The following KCNQ3 variants were observed in gnomAD, a reference collection of about 807,000 sequenced individuals.
The protein encoded by KCNQ3 is potassium voltage-gated channel subfamily Q member 3.
KCNQ3 carries 30 observed loss-of-function variants against 92.5 expected under a neutral mutation model. The ratio of observed to expected loss-of-function variants is 0.32; its 90% CI spans 0.24 to 0.44. The LOEUF (loss-of-function observed/expected upper bound fraction) is 0.44, where lower values mean the gene tolerates loss of function less well. Among genes scored for constraint, KCNQ3 ranks in the 20% least tolerant of loss-of-function variants. The pLI is 1.00. For synonymous variants in KCNQ3, 450 were observed against 468.8 expected, an observed-to-expected ratio of 0.96 and a Z score of 0.52; for missense variants, 913 against 1,140.3, an observed-to-expected ratio of 0.80 and a Z score of 2.87.
chr8:132,151,916 A>G (rs898701128), intron 9 of KCNQ3, among the ~76,000 whole-genome samples: 1 of 152,208 alleles, frequency 6.6e-6, no homozygotes, highest in South Asian at 2.1e-4. Context: ...TAACATCAAT[A>G]TATGTTCCAG....
At chr8:132,210,497 G>A (rs944809960) in intron 1 of KCNQ3, among the ~76,000 whole-genome samples, 1 of 152,206 alleles carries the variant, frequency 6.6e-6, no homozygotes, top group Non-Finnish European at 1.5e-5. Context: ...TTTACACTGT[G>A]TAACAAATTA....
At chr8:132,473,535 G>A (rs1822339051) in intron 1 of KCNQ3, among the ~76,000 whole-genome samples, 1 of 152,200 alleles carries the variant, frequency 6.6e-6, no homozygotes, top group Non-Finnish European at 1.5e-5. Context: ...ATCTAGAAGA[G>A]TTCCTGGTAC....
intron 1 of KCNQ3, among the ~76,000 whole-genome samples, chr8:132,248,371 T>G (rs1186507870): frequency 6.6e-6 from 1 of 151,394 alleles, no homozygotes; most frequent in African/African-American, 2.4e-5. Context: ...GAGATAGTAT[T>G]CTCTTTCCAA....
At chr8:132,170,759 C>G (rs1170385455) in intron 7 of KCNQ3, among the ~76,000 whole-genome samples, 2 of 151,808 alleles carry the variant, frequency 1.3e-5, no homozygotes, top group African/African-American at 4.8e-5. Flanking sequence ...CGCCTGTAAT[C>G]CCAGCACTTT....
chr8:132,275,547 G>A (rs1816297736), intron 1 of KCNQ3, among the ~76,000 whole-genome samples: 1 of 151,390 alleles, frequency 6.6e-6, no homozygotes, highest in Non-Finnish European at 1.5e-5. Context: ...CGCACCTCAT[G>A]GGATCATGGG....
At chr8:132,379,541 T>G (rs1283805446) in intron 1 of KCNQ3, among the ~76,000 whole-genome samples, 1 of 152,074 alleles carries the variant, frequency 6.6e-6, no homozygotes, top group African/African-American at 2.4e-5. Flanking sequence ...CAAGGTGAGG[T>G]CTTTTTCCCT....
intron 9 of KCNQ3, among the ~76,000 whole-genome samples, chr8:132,145,161 G>T (rs1228164660): frequency 6.6e-6 from 1 of 152,186 alleles, no homozygotes; most frequent in Non-Finnish European, 1.5e-5. Context: ...AGAATTATCT[G>T]TCACAAATAT....
At chr8:132,327,064 T>G (rs915766402) in intron 1 of KCNQ3, among the ~76,000 whole-genome samples, 1 of 152,218 alleles carries the variant, frequency 6.6e-6, no homozygotes, top group Non-Finnish European at 1.5e-5. Flanking sequence ...GACTGTTTTT[T>G]TCATTGCTAT....
At chr8:132,179,116 G>A (rs1256462594) in intron 4 of KCNQ3, among the ~76,000 whole-genome samples, 3 of 150,532 alleles carry the variant, frequency 2.0e-5, no homozygotes, top group Admixed American at 1.3e-4. Flanking sequence ...TGCCTGAGCT[G>A]AGACACAGGG....
intron 3 of KCNQ3, among the ~76,000 whole-genome samples, chr8:132,183,475 C>T (rs1477233408): frequency 2.6e-5 from 4 of 152,104 alleles, no homozygotes; most frequent in Admixed American, 2.6e-4. Flanking sequence ...GGAGGTCCTT[C>T]CAGCCCTGAC....
chr8:132,452,485 C>A (rs754449974), intron 1 of KCNQ3, among the ~76,000 whole-genome samples: 2 of 152,206 alleles, frequency 1.3e-5, no homozygotes, highest in Non-Finnish European at 2.9e-5. Context: ...TCCACTGGAA[C>A]CTTCTGGCAA....
At chr8:132,235,914 C>A (rs1814798454) in intron 1 of KCNQ3, among the ~76,000 whole-genome samples, 1 of 152,126 alleles carries the variant, frequency 6.6e-6, no homozygotes, top group South Asian at 2.1e-4. Context: ...TTAACCCTGT[C>A]TGAAATCATC....
At chr8:132,150,503 G>A (rs543120234) in intron 9 of KCNQ3, among the ~76,000 whole-genome samples, 3 of 152,156 alleles carry the variant, frequency 2.0e-5, no homozygotes, top group Admixed American at 6.5e-5. Flanking sequence ...TGGCTAATAA[G>A]GGAATTAAAA....
intron 1 of KCNQ3, among the ~76,000 whole-genome samples, chr8:132,216,580 C>T (rs1475388048): frequency 6.6e-6 from 1 of 152,166 alleles, no homozygotes; most frequent in African/African-American, 2.4e-5. Flanking sequence ...CTTCAATTGA[C>T]ATCTGGGTTT....
chr8:132,390,829 T>G (rs978739817), intron 1 of KCNQ3, among the ~76,000 whole-genome samples: 1 of 152,228 alleles, frequency 6.6e-6, no homozygotes, highest in Admixed American at 6.5e-5. Context: ...TTTATAATAA[T>G]AAAGTAGCAA....
At chr8:132,259,301 A>G (rs373388707) in intron 1 of KCNQ3, among the ~76,000 whole-genome samples, 1 of 152,136 alleles carries the variant, frequency 6.6e-6, no homozygotes, top group South Asian at 2.1e-4. Context: ...AGTTTATACA[A>G]CATGACCAAG....
At chr8:132,318,874 C>T (rs2130630455) in intron 1 of KCNQ3, among the ~76,000 whole-genome samples, 1 of 152,312 alleles carries the variant, frequency 6.6e-6, no homozygotes, top group South Asian at 2.1e-4. Context: ...GTCTAGATCC[C>T]ATGACCTTGG....
intron 1 of KCNQ3, among the ~76,000 whole-genome samples, chr8:132,401,536 C>T (rs1820332438): frequency 6.6e-6 from 1 of 152,124 alleles, no homozygotes; most frequent in Non-Finnish European, 1.5e-5. Flanking sequence ...CCACCACGCC[C>T]AGCTAATTTT....
intron 1 of KCNQ3, among the ~76,000 whole-genome samples, chr8:132,189,761 G>A (rs1219422973): frequency 6.6e-6 from 1 of 151,892 alleles, no homozygotes; most frequent in Non-Finnish European, 1.5e-5. Context: ...GGGAGGCGGA[G>A]GTTGCGGTGA....
Sources: allele counts gnomAD v4.1 joint callset (sites outside exome capture counted in the v4.1 genomes callset), GRCh38; gene constraint gnomAD v4.1.1; transcripts MANE v1.5; gene names NCBI Gene and HGNC (gene_info 2026-07-23, HGNC 2026-07-21).